SF1: variants seen among roughly 807,000 people sequenced by gnomAD.
SF1 encodes branch point-binding protein.
Under a neutral mutation model 62.5 loss-of-function variants are expected in SF1, and 7 were observed. The ratio of observed to expected loss-of-function variants is 0.11; its 90% confidence interval spans 0.06 to 0.21. The LOEUF is 0.21. SF1 is among the 10% of genes least tolerant of loss of function. SF1 has a pLI of 1.00. For missense variants in SF1, 578 were observed against 884.0 expected (o/e 0.65, Z 4.39); for synonymous variants, 394 against 323.6 (o/e 1.22, Z -2.33).
At chr11:64,772,713 TC>T (rs1437522539) in intron 3 of SF1, 1 of 984,534 alleles carries the variant, frequency 1.0e-6, no homozygotes, top group Non-Finnish European at 1.2e-6. Context: ...AAAGTTCATC[TC>T]CCCCACACAA....
intron 9 of SF1, 38 bp from the exon 10 acceptor site, chr11:64,767,882 G>A (rs781741363): frequency 9.4e-6 from 15 of 1,597,984 alleles, no homozygotes; most frequent in East Asian, 9.0e-5. Flanking sequence ...CCCTGCCTGC[G>A]CCTCCTAGTG....
intron 2 of SF1, among the ~76,000 whole-genome samples, chr11:64,775,652 ATGTT>A (rs1367012543): frequency 1.3e-5 from 2 of 152,182 alleles, no homozygotes; most frequent in African/African-American, 2.4e-5. Context: ...TCCAAAGGGG[ATGTT>A]TATTTGGTTA....
At chr11:64,770,117 A>G in intron 4 of SF1, 64 bp from the exon 5 acceptor site, 2 of 1,571,000 alleles carry the variant, frequency 1.3e-6, no homozygotes, top group Non-Finnish European at 1.8e-6. Flanking sequence ...CGGCTTTTCT[A>G]AAACCAAATA....
intron 10 of SF1, 146 bp downstream of exon 10, chr11:64,767,425 C>CTCCT (rs2058758153): frequency 9.4e-7 from 1 of 1,062,122 alleles, no homozygotes; most frequent in Admixed American, 2.0e-5. Flanking sequence ...TGGAGTCTTG[C>CTCCT]TCCTTCCAGA....
intron 12 of SF1, 27 bp downstream of exon 12, chr11:64,766,873 C>A: frequency 7.4e-7 from 1 of 1,343,930 alleles, no homozygotes; most frequent in Non-Finnish European, 9.8e-7. Context: ...CCCACCCACC[C>A]CCACAAGCCC....
intron 6 of SF1, 23 bp downstream of exon 6, chr11:64,769,400 GCTT>G (rs757256486): frequency 7.3e-5 from 118 of 1,613,500 alleles, no homozygotes; most frequent in Non-Finnish European, 9.7e-5. Context: ...CTGCTAGGAG[GCTT>G]CCTTTCTGGG....
intron 1 of SF1, among the ~76,000 whole-genome samples, chr11:64,777,192 T>C (rs192273066): frequency 6.6e-6 from 1 of 152,286 alleles, no homozygotes; most frequent in East Asian, 1.9e-4. Context: ...TCCTGGCCAG[T>C]TGGACACTGA....
At chr11:64,773,407 G>A in intron 3 of SF1, 23 bp downstream of exon 3, 1 of 1,611,362 alleles carries the variant, frequency 6.2e-7, no homozygotes, top group Non-Finnish European at 8.5e-7. Flanking sequence ...GTTACTGTCA[G>A]CTGGTTAAAA....
At position 64,776,719 on chromosome 11, in the gene SF1, A is replaced by G. The variant is rs112101029; in HGVS notation, c.32-93T>C. Reference sequence around the variant, plus strand: ...TTAAGGTACTACACAGAAACTCAGCAGACTGTGAAGCTGAGAGCTTAACCT... The same window carrying G: ...TTAAGGTACTACACAGAAACTCAGCGGACTGTGAAGCTGAGAGCTTAACCT... On this transcript the variant is annotated intron_variant, in intron 1 of 12. Transcript: ENST00000377390. 1.1e-3 allele frequency: 1,320 copies of G among 1,219,464 alleles called. 11 individuals are homozygous for G. In the African/African-American group the frequency reaches 0.019, roughly 17 times the overall value. The allele number at this position is 1,219,464 out of a possible 1,614,324, so 75.5% of individuals were successfully genotyped here.
At chr11:64,766,840 G>A (rs924790183) in intron 12 of SF1, 60 bp downstream of exon 12, 11 of 1,319,788 alleles carry the variant, frequency 8.3e-6, no homozygotes, top group Middle Eastern at 2.8e-4. Flanking sequence ...AGGCTCTATG[G>A]TTCCTGTCAG....
At chr11:64,771,821 A>C (rs1938371313) in intron 3 of SF1, 2 of 985,256 alleles carry the variant, frequency 2.0e-6, no homozygotes, top group Non-Finnish European at 2.4e-6. Context: ...CTTTTTAAGA[A>C]ATTATCTTAA....
chr11:64,773,897 T>C (rs1938708879), intron 2 of SF1, among the ~76,000 whole-genome samples: 1 of 152,178 alleles, frequency 6.6e-6, no homozygotes, highest in South Asian at 2.1e-4. Flanking sequence ...CCCATCAAAT[T>C]ACTTGAGGGC....
chr11:64,767,196 T>A lies in SF1; in HGVS notation c.1398A>T (p.Gly466=). 3 of 1,614,072 alleles carry A rather than the reference T, an allele frequency of 1.9e-6. No homozygotes were observed. Among genetic ancestry groups the A allele is most frequent in the Non-Finnish European group, 2.5e-6 (3 of 1,179,974 alleles). The change falls in exon 11 of 13, where the codon GGA becomes GGT. Residue 466 remains glycine, a synonymous_variant. Transcript: ENST00000377390. ...CAGCCAGCAGACAGCCATTACCTTT[T>A]CCTTGATGCAGGCGATAGACCCCAG... The part of the protein sequence containing the change: ...VGSGVYRLHQ[G]KGMMPPPPMG...
intron 3 of SF1, 62 bp downstream of exon 3, chr11:64,773,368 G>A: frequency 6.3e-7 from 1 of 1,585,518 alleles, no homozygotes; most frequent in Middle Eastern, 1.7e-4. Flanking sequence ...GTTGCCACCA[G>A]TAAAACGTAT....
Position 64,765,572 on chromosome 11 carries a change from G to A in SF1, c.*246C>T, listed in dbSNP as rs1592434675. On this transcript the variant is annotated 3_prime_UTR_variant, in exon 13 of 13. Transcript: ENST00000377390. ...GGGAGTTGGGTGAGGAGAGAAAGAA[G>A]ACAAAGAAGACACTCGATGCTACGG... is the stretch of plus-strand genomic sequence containing the variant. 16 of 1,553,530 alleles carry A rather than the reference G, an allele frequency of 1.0e-5. No homozygotes were observed. The highest frequency in any genetic ancestry group is 2.4e-5 in the South Asian group (2 of 83,322).
intron 3 of SF1, chr11:64,772,109 G>A (rs543892736): frequency 2.0e-6 from 2 of 985,408 alleles, no homozygotes; most frequent in South Asian, 9.4e-5. Context: ...GCAAAAGCTA[G>A]TATTCTAGAG....
At chr11:64,766,243 GCCTGCTCCTTGCTT>G in intron 12 of SF1, 88 bp from the exon 13 acceptor site, 2 of 704,786 alleles carry the variant, frequency 2.8e-6, no homozygotes, top group East Asian at 3.5e-5. Context: ...GGCGAGGGGC[GCCTGCTCCTTGCTT>G]GGCATGCGGT....
In SF1 at chr11:64,771,461, T is replaced by C. The variant is rs537684038; in HGVS notation, c.237-1053A>G. ...ATACTGAAAGTAATCAAGACTCCTA[T>C]ACCCTTGGTTTAGTTGAGAGAACCT... On this transcript the variant is annotated intron_variant, in intron 3 of 12. Transcript: ENST00000377390. 1.3e-5 allele frequency: 13 copies of C among 985,372 alleles called. No individual in the cohort carries two copies. The South Asian group carries it at 5.2e-4, about 39-fold the overall frequency. The allele number at this position is 985,372 out of a possible 1,614,324, so 61.0% of individuals were successfully genotyped here.
chr11:64,770,195 C>T (rs982259876), intron 4 of SF1, 61 bp downstream of exon 4: 1 of 1,578,018 alleles, frequency 6.3e-7, no homozygotes, highest in Admixed American at 1.7e-5. Context: ...TGTCCCATCC[C>T]AGCAGGTCAC....
Sources: allele counts gnomAD v4.1 joint callset (sites outside exome capture counted in the v4.1 genomes callset), GRCh38; gene constraint gnomAD v4.1.1; transcripts MANE v1.5; gene names NCBI Gene and HGNC (gene_info 2026-07-23, HGNC 2026-07-21).